The following COL18A1 variants were observed in gnomAD, a reference collection of about 807,000 sequenced individuals.
COL18A1 encodes the protein collagen type XVIII alpha 1 chain, also known as collagen alpha-1(XVIII) chain.
In COL18A1, 133 loss-of-function variants were observed where a neutral mutation model predicts 168.0. That is an observed-to-expected ratio of 0.79 (90% CI 0.69 to 0.91). The LOEUF (loss-of-function observed/expected upper bound fraction) is 0.91. Ranked by LOEUF, COL18A1 falls within the 40% of genes least tolerant of loss-of-function variation. The probability of loss-of-function intolerance (pLI) is 0.00; values close to 1 mark genes in which losing one functional copy is unlikely to be tolerated. For missense variants in COL18A1, 2,126 were observed against 1,925.4 expected (o/e 1.10, Z -1.95); for synonymous variants, 949 against 809.0 (o/e 1.17, Z -2.94).
At chr21:45,439,142 TCG>T (rs2034298641) in intron 2 of COL18A1, among the ~76,000 whole-genome samples, 1 of 152,244 alleles carries the variant, frequency 6.6e-6, no homozygotes, top group African/African-American at 2.4e-5. Context: ...GTTTTTTAAT[TCG>T]AGAAAACCTA....
At chr21:45,454,023 C>T (rs748120116) in intron 2 of COL18A1, among the ~76,000 whole-genome samples, 28 of 152,166 alleles carry the variant, frequency 1.8e-4, no homozygotes, top group Non-Finnish European at 3.4e-4. Context: ...TGGAGACTTT[C>T]CGGAGGCGTG....
chr21:45,463,907 A>G lies in COL18A1; in HGVS notation c.107-4335A>G, dbSNP rs568607062. On this transcript the variant is annotated intron_variant, in intron 2 of 41. Transcript: ENST00000651438. The surrounding 1 kb of genome is among the most constrained non-coding windows in gnomAD (Gnocchi z 4.0). The stretch of plus-strand genomic sequence containing the variant: ...AGCGAAACTCCATCTAAAAAAAAAA[A>G]AGAAAAGGAAAGAAATCAAGTCTTG... Among the ~76,000 whole-genome samples the G allele has an allele frequency of 6.6e-6, 1 of 152,244 alleles. No homozygotes were observed. Among genetic ancestry groups the G allele is most frequent in the African/African-American group, 2.4e-5 (1 of 41,542 alleles).
chr21:45,442,558 C>T (rs113162721), intron 2 of COL18A1, among the ~76,000 whole-genome samples: 46 of 152,374 alleles, frequency 3.0e-4, no homozygotes, highest in African/African-American at 1.1e-3. Context: ...CGGATGAGCA[C>T]GCCCAGGCCC....
At chr21:45,414,963 G>A (rs368043345) in intron 2 of COL18A1, among the ~76,000 whole-genome samples, 11 of 152,198 alleles carry the variant, frequency 7.2e-5, no homozygotes, top group African/African-American at 2.6e-4. Flanking sequence ...GATGGAGATG[G>A]AGCCGCTGGG....
At chr21:45,429,193 G>A (rs1027592733) in intron 2 of COL18A1, among the ~76,000 whole-genome samples, 1 of 151,998 alleles carries the variant, frequency 6.6e-6, no homozygotes, top group South Asian at 2.1e-4. Context: ...GAGCCACCGC[G>A]CCCAGCCGAG....
At chr21:45,509,264 G>A in intron 38 of COL18A1, 92 bp from the exon 39 acceptor site, 1 of 1,505,532 alleles carries the variant, frequency 6.6e-7, no homozygotes, top group Non-Finnish European at 8.9e-7. Flanking sequence ...TCAGAGCCCA[G>A]CCCCTCTCAC....
At chr21:45,487,531 G>A (rs767373525) in intron 17 of COL18A1, 22 bp downstream of exon 17, 2 of 1,611,978 alleles carry the variant, frequency 1.2e-6, no homozygotes, top group African/African-American at 1.3e-5. Flanking sequence ...AGCTGGGCGT[G>A]GCCGGCTCTG....
rs937929226 is a variant in COL18A1, at chr21:45,507,376, C to T, written c.3217-185C>T. ...GGCACCCTGCTGTGGACTGGGAGGGCCGGGTGCTGGGCAGGGAGCGTACCC... is the reference window on the plus strand; with the variant it reads ...GGCACCCTGCTGTGGACTGGGAGGGTCGGGTGCTGGGCAGGGAGCGTACCC... On this transcript the variant is annotated intron_variant, in intron 37 of 41. Coordinates refer to ENST00000651438, the MANE Select transcript of COL18A1 (RefSeq NM_001379500.1). 1.0e-5 allele frequency: 7 copies of T among 682,046 alleles called. No individual in the cohort carries two copies. In the Admixed American group the frequency reaches 1.3e-4, roughly 13 times the overall value. The allele number at this position is 682,046 out of a possible 1,614,324, so 42.2% of individuals were successfully genotyped here.
At position 45,495,423 on chromosome 21, in the gene COL18A1, T is replaced by C; in HGVS notation, c.2499T>C (p.Phe833=). Residue 833 remains phenylalanine (F), a synonymous_variant, in exon 29 of 42, where the codon TTT becomes TTC. Transcript: ENST00000651438. ...KGEPGDASLG[F]GMRGMPGPPG... ...AGCCGGGAGATGCCAGCCTTGGATT[T>C]GGCATGAGGGTGAGTGTCTCTCAAG... 6.2e-7 allele frequency: 1 copy of C among 1,609,918 alleles called. No individual in the cohort carries two copies. Among genetic ancestry groups the C allele is most frequent in the South Asian group, 1.1e-5 (1 of 90,344 alleles).
intron 2 of COL18A1, among the ~76,000 whole-genome samples, chr21:45,442,967 T>TGGTGCTGGTGTGGGTGGC (rs1313749557): frequency 8.9e-6 from 1 of 112,184 alleles, no homozygotes; most frequent in Non-Finnish European, 1.7e-5. Flanking sequence ...ATGTGGGTGG[T>TGGTGCTGGTGTGGGTGGC]GGTGCTGGTG....
rs1029766024 is a variant in COL18A1, at chr21:45,485,905, C to T, written c.1702-956C>T. Among the ~76,000 whole-genome samples, 5 of 152,226 alleles carry T rather than the reference C, an allele frequency of 3.3e-5. No individual in the cohort carries two copies. The East Asian group carries it at 9.6e-4, about 29-fold the overall frequency. ...GGACAGTGCTGGGCTCACACTATCT[C>T]ATTCCGCTCTGTCCCGAGCCTGGGA... On this transcript the variant is annotated intron_variant, in intron 15 of 41. Coordinates refer to ENST00000651438, the MANE Select transcript of COL18A1 (RefSeq NM_001379500.1).
At chr21:45,416,581 T>C (rs1434771625) in intron 2 of COL18A1, among the ~76,000 whole-genome samples, 1 of 151,962 alleles carries the variant, frequency 6.6e-6, no homozygotes, top group East Asian at 1.9e-4. Flanking sequence ...TTAGATTTCC[T>C]CTGAGGACAG....
chr21:45,440,962 C>T (rs891980286), intron 2 of COL18A1, among the ~76,000 whole-genome samples: 16 of 152,186 alleles, frequency 1.1e-4, no homozygotes, highest in African/African-American at 3.9e-4. Flanking sequence ...AACCACGGGA[C>T]GCTCACTCAT....
intron 2 of COL18A1, among the ~76,000 whole-genome samples, chr21:45,465,538 T>C (rs2145881483): frequency 1.3e-5 from 2 of 152,308 alleles, no homozygotes; most frequent in South Asian, 4.1e-4. Context: ...CTGGATCAGG[T>C]TCCGGAAGCT....
At chr21:45,455,930 A>T in intron 2 of COL18A1, 1 of 1,613,024 alleles carries the variant, frequency 6.2e-7, no homozygotes, top group Non-Finnish European at 8.5e-7. Context: ...CACTGTCCCC[A>T]CTGAGAGCTT....
intron 2 of COL18A1, among the ~76,000 whole-genome samples, chr21:45,406,292 C>T (rs984796771): frequency 6.6e-5 from 10 of 152,188 alleles, no homozygotes; most frequent in Non-Finnish European, 1.3e-4. Flanking sequence ...CCCGGGGGTC[C>T]ACGCAGCCAG....
intron 2 of COL18A1, chr21:45,408,008 C>G (rs190501386): frequency 7.2e-5 from 11 of 152,384 alleles, no homozygotes; most frequent in Admixed American, 6.5e-4. Context: ...CTGGGCTCAC[C>G]CACTGGGGAG....
rs773715846 is a variant in COL18A1, at chr21:45,455,993, G to A, written c.107-12249G>A. On this transcript the variant is annotated intron_variant, in intron 2 of 41. Coordinates refer to ENST00000651438, the MANE Select transcript of COL18A1 (RefSeq NM_001379500.1). Reference sequence around the variant, plus strand: ...GACTCCTGTGGGCCCCCTTGCCCTCGCTGGGCCTTCCAGCACCCCCCAGGA... The same window carrying A: ...GACTCCTGTGGGCCCCCTTGCCCTCACTGGGCCTTCCAGCACCCCCCAGGA... 1.4e-5 allele frequency: 22 copies of A among 1,612,886 alleles called. No homozygotes were observed. The highest frequency in any genetic ancestry group is 4.5e-5 in the East Asian group (2 of 44,874).
chr21:45,430,591 G>A (rs143917419), intron 2 of COL18A1, among the ~76,000 whole-genome samples: 18 of 152,290 alleles, frequency 1.2e-4, no homozygotes, highest in African/African-American at 3.9e-4. Context: ...CCCCGGGTCC[G>A]GTTACAAAGG....
Sources: allele counts gnomAD v4.1 joint callset (sites outside exome capture counted in the v4.1 genomes callset), GRCh38; gene constraint gnomAD v4.1.1; non-coding constraint Gnocchi (gnomAD v3.1); transcripts MANE v1.5; gene names NCBI Gene and HGNC (gene_info 2026-07-23, HGNC 2026-07-21).